TRPC6: variants seen among roughly 807,000 people sequenced by gnomAD.
TRPC6 encodes short transient receptor potential channel 6.
A neutral mutation model predicts 90.7 loss-of-function variants in TRPC6; 55 were observed. That is an observed-to-expected ratio of 0.61 (90% CI 0.49 to 0.76). The LOEUF (loss-of-function observed/expected upper bound fraction) is 0.76, where lower values mean the gene tolerates loss of function less well. Among genes scored for constraint, TRPC6 ranks in the 30% least tolerant of loss-of-function variants. The probability of loss-of-function intolerance (pLI) is 0.00; values close to 1 mark genes in which losing one functional copy is unlikely to be tolerated. For missense variants in TRPC6, 989 were observed against 1,122.7 expected (o/e 0.88, Z 1.70); for synonymous variants, 393 against 393.0 (o/e 1.00, Z 0.00).
chr11:101,471,615 G>A (rs1470000645), intron 8 of TRPC6, among the ~76,000 whole-genome samples: 1 of 152,068 alleles, frequency 6.6e-6, no homozygotes, highest in Non-Finnish European at 1.5e-5. Flanking sequence ...GTTCCCATGT[G>A]TTTATAAATA....
intron 1 of TRPC6, among the ~76,000 whole-genome samples, chr11:101,579,396 C>G (rs1398231423): frequency 6.6e-6 from 1 of 152,134 alleles, no homozygotes; most frequent in African/African-American, 2.4e-5. Context: ...AATCCACTAA[C>G]TACTGCATGT....
intron 1 of TRPC6, among the ~76,000 whole-genome samples, chr11:101,524,298 G>C (rs1860726908): frequency 6.6e-6 from 1 of 152,030 alleles, no homozygotes; most frequent in African/African-American, 2.4e-5. Flanking sequence ...ACCCAGGCTG[G>C]AGTGCAGTGG....
In TRPC6 at chr11:101,505,077, T is replaced by C. The variant is rs1276748137; in HGVS notation, c.171-279A>G. The stretch of plus-strand genomic sequence containing the variant: ...TCTGTGCCATTCAGATAGAAACTAA[T>C]GTACTATATAGATGGTATAGACTTA... On this transcript the variant is annotated intron_variant, in intron 1 of 12. Transcript: ENST00000344327. Among the ~76,000 whole-genome samples, 5 of 152,326 alleles carry C rather than the reference T, an allele frequency of 3.3e-5. No individual in the cohort carries two copies. The East Asian group carries it at 7.7e-4, about 24-fold the overall frequency.
intron 10 of TRPC6, among the ~76,000 whole-genome samples, chr11:101,459,261 G>A (rs377761372): frequency 1.3e-5 from 2 of 152,302 alleles, no homozygotes; most frequent in East Asian, 3.9e-4. Flanking sequence ...ACGGGAGAAG[G>A]CGGAGAAATC....
chr11:101,506,849 A>G (rs1271158058), intron 1 of TRPC6, among the ~76,000 whole-genome samples: 4 of 152,090 alleles, frequency 2.6e-5, no homozygotes, highest in Admixed American at 2.6e-4. Context: ...TCCAGAGGTG[A>G]TACATTTCAA....
At chr11:101,510,056 A>C (rs1860363136) in intron 1 of TRPC6, among the ~76,000 whole-genome samples, 1 of 152,160 alleles carries the variant, frequency 6.6e-6, no homozygotes, top group African/African-American at 2.4e-5. Context: ...AAGACACAGT[A>C]AAAGCTGCTT....
chr11:101,473,441 T>A (rs1051982511), intron 7 of TRPC6, 68 bp downstream of exon 7: 15 of 1,563,462 alleles, frequency 9.6e-6, no homozygotes, highest in East Asian at 2.3e-5. Context: ...TGGACTTACA[T>A]AAACGCTGTT....
intron 1 of TRPC6, 100 bp from the exon 2 acceptor site, chr11:101,504,898 A>G (rs952513228): frequency 1.0e-5 from 14 of 1,356,436 alleles, no homozygotes; most frequent in Middle Eastern, 5.1e-4. Context: ...AGTATATTAG[A>G]TGTTGTCTCA....
chr11:101,583,321 C>T lies in TRPC6; in HGVS notation c.170+13G>A, dbSNP rs767203751. On this transcript the variant is annotated intron_variant, in intron 1 of 12. Coordinates refer to ENST00000344327, the MANE Select transcript of TRPC6 (RefSeq NM_004621.6). ...AGCCCGCGCCCGATCCGCCCCGCGTCGCCGGCACTCACAAGCAGGGGTAGT... is the reference window on the plus strand; with the variant it reads ...AGCCCGCGCCCGATCCGCCCCGCGTTGCCGGCACTCACAAGCAGGGGTAGT... 2.5e-6 allele frequency: 4 copies of T among 1,571,860 alleles called. No homozygotes were observed. Among genetic ancestry groups the T allele is most frequent in the South Asian group, 1.2e-5 (1 of 86,528 alleles).
At chr11:101,561,361 T>C (rs1303385012) in intron 1 of TRPC6, among the ~76,000 whole-genome samples, 1 of 152,192 alleles carries the variant, frequency 6.6e-6, no homozygotes, top group Non-Finnish European at 1.5e-5. Flanking sequence ...TCATTAGATA[T>C]ACATAAAGTA....
intron 2 of TRPC6, among the ~76,000 whole-genome samples, chr11:101,495,861 G>A (rs982114905): frequency 8.5e-5 from 13 of 152,112 alleles, no homozygotes; most frequent in Non-Finnish European, 1.8e-4. Flanking sequence ...TTCTACATGT[G>A]AGGAGTAAGC....
chr11:101,483,741 T>C (rs1376458708), intron 4 of TRPC6, among the ~76,000 whole-genome samples: 1 of 152,224 alleles, frequency 6.6e-6, no homozygotes, highest in South Asian at 2.1e-4. Flanking sequence ...AACAATCTCC[T>C]GGAAGGACAC....
At chr11:101,537,597 T>C (rs1321603633) in intron 1 of TRPC6, among the ~76,000 whole-genome samples, 1 of 152,216 alleles carries the variant, frequency 6.6e-6, no homozygotes, top group Non-Finnish European at 1.5e-5. Context: ...CATGAAGGGA[T>C]CTTGGGAACT....
chr11:101,496,808 A>C (rs1341374672), intron 2 of TRPC6, among the ~76,000 whole-genome samples: 1 of 152,200 alleles, frequency 6.6e-6, no homozygotes, highest in Non-Finnish European at 1.5e-5. Flanking sequence ...CTTGTCATAG[A>C]CCTACAGTCC....
Position 101,521,955 on chromosome 11 carries a change from T to C in TRPC6, c.171-17157A>G, listed in dbSNP as rs184231061. 9.2e-5 allele frequency among the ~76,000 whole-genome samples: 14 copies of C among 152,352 alleles called. No individual in the cohort carries two copies. In the East Asian group the frequency reaches 2.7e-3, roughly 29 times the overall value. ...CGCATCTTGGAAGTAAGTAACTTTT[T>C]GTTTACTTTACAGGCTCATAGGCTG... On this transcript the variant is annotated intron_variant, in intron 1 of 12. Transcript: ENST00000344327.
At chr11:101,573,950 G>A (rs932698596) in intron 1 of TRPC6, among the ~76,000 whole-genome samples, 24 of 132,854 alleles carry the variant, frequency 1.8e-4, no homozygotes, top group Admixed American at 3.0e-4. Context: ...GTGTGTGTGT[G>A]TGTGTGTATG....
intron 1 of TRPC6, among the ~76,000 whole-genome samples, chr11:101,577,152 A>T (rs563609045): frequency 6.6e-6 from 1 of 152,180 alleles, no homozygotes; most frequent in Non-Finnish European, 1.5e-5. Context: ...CCACACTGCA[A>T]TCTTTCACCA....
intron 3 of TRPC6, among the ~76,000 whole-genome samples, chr11:101,489,957 G>A (rs1859766782): frequency 6.6e-6 from 1 of 152,056 alleles, no homozygotes; most frequent in Admixed American, 6.5e-5. Flanking sequence ...CACTGTGGGT[G>A]GAAGAAATAA....
chr11:101,469,470 C>T lies in TRPC6; in HGVS notation c.2441G>A (p.Gly814Glu), dbSNP rs138519687. ...TAATTTTGAAAGGTCTTCATGACTTCCTAAAATTCCAAGTTTCTTTTCTTC... is the reference window on the plus strand; with the variant it reads ...TAATTTTGAAAGGTCTTCATGACTTTCTAAAATTCCAAGTTTCTTTTCTTC... ...INEEKKLGIL[G>E]SHEDLSKLSL... Residue 814 changes from glycine (G) to glutamate (E), a missense_variant, in exon 10 of 13, where the codon GGA (glycine) becomes GAA (glutamate). Physicochemically the swap from Gly to Glu is moderately conservative, Grantham distance 98. Transcript: ENST00000344327. 1.3e-6 allele frequency: 1 copy of T among 771,216 alleles called. No individual in the cohort carries two copies. Among genetic ancestry groups the T allele is most frequent in the Non-Finnish European group, 2.4e-6 (1 of 413,016 alleles). 47.8% of individuals were successfully genotyped at this position (771,216 alleles called of 1,614,324 possible).
Sources: allele counts gnomAD v4.1 joint callset (sites outside exome capture counted in the v4.1 genomes callset), GRCh38; gene constraint gnomAD v4.1.1; transcripts MANE v1.5; gene names NCBI Gene and HGNC (gene_info 2026-07-23, HGNC 2026-07-21).